The following CHRM2 variants were observed in gnomAD, a reference collection of about 807,000 sequenced individuals.
CHRM2 encodes muscarinic acetylcholine receptor M2.
Under a neutral mutation model 25.0 loss-of-function variants are expected in CHRM2, and 8 were observed. The ratio of observed to expected loss-of-function variants is 0.32; its 90% confidence interval spans 0.19 to 0.58. CHRM2 has a LOEUF of 0.58. Among genes scored for constraint, CHRM2 ranks in the 20% least tolerant of loss-of-function variants. The probability of loss-of-function intolerance (pLI) is 0.88; values close to 1 mark genes in which losing one functional copy is unlikely to be tolerated. For missense variants in CHRM2, 440 were observed against 567.1 expected, an observed-to-expected ratio of 0.78 and a Z score of 2.28; for synonymous variants, 202 against 205.7, an observed-to-expected ratio of 0.98 and a Z score of 0.15.
intron 2 of CHRM2, among the ~76,000 whole-genome samples, chr7:136,904,339 C>T (rs1445692021): frequency 6.6e-6 from 1 of 151,688 alleles, no homozygotes; most frequent in Non-Finnish European, 1.5e-5. Flanking sequence ...AAGTCACTTG[C>T]CTATTCACAT....
At chr7:136,961,675 G>A (rs1801091281) in intron 2 of CHRM2, among the ~76,000 whole-genome samples, 1 of 142,192 alleles carries the variant, frequency 7.0e-6, no homozygotes, top group South Asian at 2.1e-4. Flanking sequence ...TAGGTTTACT[G>A]GTAGGTAAAT....
chr7:136,911,003 C>T (rs1032581229), intron 2 of CHRM2, among the ~76,000 whole-genome samples: 8 of 151,766 alleles, frequency 5.3e-5, no homozygotes, highest in African/African-American at 1.9e-4. Flanking sequence ...TTGTCACTTA[C>T]AGAGAAAACT....
In CHRM2 at chr7:136,981,873, T is replaced by A. The variant is rs181403715; in HGVS notation, c.-124-10314T>A. On this transcript the variant is annotated intron_variant, in intron 2 of 3. Transcript: ENST00000680005. Reference sequence around the variant, plus strand: ...GAGGAGTGTTTTACTTCCAGTTATGTGGTCAATTTCAGAATAGGTGTGATG... The same window carrying A: ...GAGGAGTGTTTTACTTCCAGTTATGAGGTCAATTTCAGAATAGGTGTGATG... 4.1e-3 allele frequency among the ~76,000 whole-genome samples: 627 copies of A among 152,274 alleles called. 5 individuals are homozygous for A. Among genetic ancestry groups the A allele is most frequent in the African/African-American group, 0.014 (583 of 41,560 alleles).
chr7:136,971,546 G>A (rs1801768507), intron 2 of CHRM2, among the ~76,000 whole-genome samples: 3 of 150,908 alleles, frequency 2.0e-5, no homozygotes, highest in Admixed American at 2.0e-4. Flanking sequence ...GAACCCAGGA[G>A]GCGGAGGTTT....
Position 136,941,162 on chromosome 7 carries a change from C to T in CHRM2, c.-124-51025C>T, listed in dbSNP as rs76579387. Among the ~76,000 whole-genome samples the T allele has an allele frequency of 6.4e-3, 970 of 152,242 alleles. 14 individuals are homozygous for T. The highest frequency in any genetic ancestry group is 0.022 in the African/African-American group (924 of 41,544). On this transcript the variant is annotated intron_variant, in intron 2 of 3. Transcript: ENST00000680005. Reference sequence around the variant, plus strand: ...TGCATCCTGTTATGAGATTAATTTTCCAAAAATACTACCGCTGTTATATCA... The same window carrying T: ...TGCATCCTGTTATGAGATTAATTTTTCAAAAATACTACCGCTGTTATATCA...
At chr7:136,894,435 G>A (rs1185234170) in intron 2 of CHRM2, among the ~76,000 whole-genome samples, 1 of 152,038 alleles carries the variant, frequency 6.6e-6, no homozygotes, top group Non-Finnish European at 1.5e-5. Flanking sequence ...GCAGTGGTGC[G>A]ATCTCGGCTC....
intron 2 of CHRM2, among the ~76,000 whole-genome samples, chr7:136,891,302 T>C (rs1053424644): frequency 6.6e-6 from 1 of 152,198 alleles, no homozygotes; most frequent in African/African-American, 2.4e-5. Context: ...TTCCTGAGGC[T>C]CCTGGATACT....
At chr7:136,933,330 A>T (rs1799220783) in intron 2 of CHRM2, among the ~76,000 whole-genome samples, 1 of 152,202 alleles carries the variant, frequency 6.6e-6, no homozygotes, top group Non-Finnish European at 1.5e-5. Context: ...TATAAGCAAC[A>T]ATGATGATCA....
intron 2 of CHRM2, among the ~76,000 whole-genome samples, chr7:136,945,384 T>C (rs969609427): frequency 6.6e-6 from 1 of 152,178 alleles, no homozygotes; most frequent in Non-Finnish European, 1.5e-5. Context: ...AAGTCTTTGA[T>C]CCATCGTGAG....
At chr7:137,004,870 C>T (rs535313611) in intron 3 of CHRM2, among the ~76,000 whole-genome samples, 1 of 152,046 alleles carries the variant, frequency 6.6e-6, no homozygotes, top group Non-Finnish European at 1.5e-5. Flanking sequence ...GATAACACTG[C>T]GGTCATTTGG....
At chr7:136,871,486 C>G (rs560538674) in intron 2 of CHRM2, 1 of 152,784 alleles carries the variant, frequency 6.5e-6, no homozygotes, top group African/African-American at 2.4e-5. Context: ...AGAGGGCTCT[C>G]AAAATGAAGC....
At chr7:136,937,881 T>A (rs1037916466) in intron 2 of CHRM2, among the ~76,000 whole-genome samples, 2 of 152,140 alleles carry the variant, frequency 1.3e-5, no homozygotes, top group African/African-American at 4.8e-5. Flanking sequence ...ACACAGTCCA[T>A]GATGACATTT....
intron 2 of CHRM2, among the ~76,000 whole-genome samples, chr7:136,944,853 AG>A (rs1333905000): frequency 6.6e-6 from 1 of 152,060 alleles, no homozygotes; most frequent in Admixed American, 6.6e-5. Context: ...TCAGCCTAAT[AG>A]TTTACATTCC....
chr7:136,887,189 T>C (rs960543156), intron 2 of CHRM2, among the ~76,000 whole-genome samples: 1 of 152,246 alleles, frequency 6.6e-6, no homozygotes, highest in African/African-American at 2.4e-5. Context: ...TCTACTATAC[T>C]AACCATTTTA....
At chr7:136,998,636 A>G (rs1803767568) in intron 3 of CHRM2, among the ~76,000 whole-genome samples, 1 of 152,208 alleles carries the variant, frequency 6.6e-6, no homozygotes, top group Admixed American at 6.5e-5. Context: ...GACAATGCAC[A>G]TATTTTAATA....
intron 2 of CHRM2, among the ~76,000 whole-genome samples, chr7:136,957,316 G>T (rs566844962): frequency 1.3e-5 from 2 of 152,144 alleles, no homozygotes; most frequent in African/African-American, 4.8e-5. Context: ...TTCTAGAATA[G>T]CTCCATTAAT....
intron 2 of CHRM2, among the ~76,000 whole-genome samples, chr7:136,937,417 A>C (rs936578183): frequency 6.6e-6 from 1 of 152,162 alleles, no homozygotes; most frequent in African/African-American, 2.4e-5. Flanking sequence ...TTGAATATTA[A>C]TTATTTTTCT....
chr7:136,990,234 G>C (rs1191893348), intron 2 of CHRM2, among the ~76,000 whole-genome samples: 1 of 151,996 alleles, frequency 6.6e-6, no homozygotes, highest in Non-Finnish European at 1.5e-5. Flanking sequence ...ATCACCCAAA[G>C]TCCATAGTTT....
chr7:136,880,542 C>T (rs36007709), intron 2 of CHRM2, among the ~76,000 whole-genome samples: 20,584 of 151,680 alleles, frequency 0.14, 1,585 homozygotes, highest in Non-Finnish European at 0.18. Flanking sequence ...AATTTGATAC[C>T]GAGGTCAGTT....
Sources: allele counts gnomAD v4.1 joint callset (sites outside exome capture counted in the v4.1 genomes callset), GRCh38; gene constraint gnomAD v4.1.1; transcripts MANE v1.5; gene names NCBI Gene and HGNC (gene_info 2026-07-23, HGNC 2026-07-21).